The following CCDC186 variants were observed in gnomAD, a reference collection of about 807,000 sequenced individuals.
CCDC186 encodes the protein coiled-coil domain containing 186.
A neutral mutation model predicts 113.7 loss-of-function variants in CCDC186; 49 were observed. The ratio of observed to expected loss-of-function variants is 0.43; its 90% confidence interval spans 0.34 to 0.55. The LOEUF is 0.55. Ranked by LOEUF, CCDC186 falls within the 20% of genes least tolerant of loss-of-function variation. The pLI is 0.02. For synonymous variants in CCDC186, 355 were observed against 345.8 expected, an observed-to-expected ratio of 1.03 and a Z score of -0.30; for missense variants, 890 against 1,011.1, an observed-to-expected ratio of 0.88 and a Z score of 1.62.
At chr10:114,152,851 A>G (rs916176069) in intron 3 of CCDC186, among the ~76,000 whole-genome samples, 1 of 152,200 alleles carries the variant, frequency 6.6e-6, no homozygotes, top group African/African-American at 2.4e-5. Flanking sequence ...TACATAAAAA[A>G]CAGACTAAAA....
Position 114,174,008 on chromosome 10 carries a change from C to T in CCDC186, c.-62+7G>A. 4.2e-6 allele frequency: 2 copies of T among 470,698 alleles called. No individual in the cohort carries two copies. The highest frequency in any genetic ancestry group is 8.8e-6 in the Non-Finnish European group (2 of 227,056). 29.2% of individuals were successfully genotyped at this position (470,698 alleles called of 1,614,324 possible). On this transcript the variant is annotated splice_region_variant and intron_variant, in intron 1 of 15. Transcript: ENST00000369287. Reference sequence around the variant, plus strand: ...CGGTGTGCCCCGAGTACCCCTCAGACACTTACCCCACTTATCCAAGCCTCA... The same window carrying T: ...CGGTGTGCCCCGAGTACCCCTCAGATACTTACCCCACTTATCCAAGCCTCA...
chr10:114,147,048 T>C (rs1049207802), intron 4 of CCDC186, among the ~76,000 whole-genome samples: 2 of 152,092 alleles, frequency 1.3e-5, no homozygotes, highest in East Asian at 1.9e-4. Context: ...GGCCCCGAGG[T>C]TGTAACAATG....
At chr10:114,137,960 C>A (rs149817060) in intron 6 of CCDC186, among the ~76,000 whole-genome samples, 1,901 of 140,018 alleles carry the variant, frequency 0.014, 40 homozygotes, top group African/African-American at 0.047. Context: ...TCACTTGAAC[C>A]CAGGAGGCGG....
At position 114,120,989 on chromosome 10, in the gene CCDC186, C is replaced by T. The variant is rs1371944452; in HGVS notation, c.*4154G>A. 4 of 151,446 alleles carry T rather than the reference C, an allele frequency of 2.6e-5. No individual in the cohort carries two copies. Among genetic ancestry groups the T allele is most frequent in the Non-Finnish European group, 4.4e-5 (3 of 67,764 alleles). The allele number at this position is 151,446 out of a possible 1,614,324, so 9.4% of individuals were successfully genotyped here. On this transcript the variant is annotated 3_prime_UTR_variant, in exon 16 of 16. Transcript: ENST00000369287. Reference sequence around the variant, plus strand: ...TCAAATTAAAGGTATCTGTACAATACACACACACACACATATATATATGTC... The same window carrying T: ...TCAAATTAAAGGTATCTGTACAATATACACACACACACATATATATATGTC...
At chr10:114,165,956 G>C in intron 1 of CCDC186, 1 of 983,550 alleles carries the variant, frequency 1.0e-6, no homozygotes, top group Non-Finnish European at 1.2e-6. Flanking sequence ...AAAACAATGA[G>C]TTTGTGACTT....
At chr10:114,163,787 C>T (rs1007754051) in intron 1 of CCDC186, among the ~76,000 whole-genome samples, 1 of 151,962 alleles carries the variant, frequency 6.6e-6, no homozygotes, top group South Asian at 2.1e-4. Flanking sequence ...AACAAAACAA[C>T]GCACATTAAA....
rs2119664117 is a variant in CCDC186 at position 114,124,039 on chromosome 10, G to A, written c.*1104C>T. The A allele has an allele frequency of 6.6e-6, 1 of 152,234 alleles. No homozygotes were observed. Among genetic ancestry groups the A allele is most frequent in the East Asian group, 1.9e-4 (1 of 5,168 alleles). 9.4% of individuals were successfully genotyped at this position (152,234 alleles called of 1,614,324 possible). A position where few individuals can be genotyped will look rare whatever the true frequency, so the allele number is the denominator to read the frequency against. On this transcript the variant is annotated 3_prime_UTR_variant, in exon 16 of 16. Coordinates refer to ENST00000369287, the MANE Select transcript of CCDC186 (RefSeq NM_018017.4). ...TCTTTTAAAATTTCTTTGTAGAGAT[G>A]GGGGTCTCGCTATGTTGCCAAGGCT... is the stretch of plus-strand genomic sequence containing the variant.
intron 6 of CCDC186, 123 bp from the exon 7 acceptor site, chr10:114,137,413 CAAT>C (rs2031300029): frequency 1.6e-6 from 1 of 627,660 alleles, no homozygotes; most frequent in Non-Finnish European, 2.8e-6. Context: ...ATTATTCTAG[CAAT>C]AATATTTTAT....
At chr10:114,154,061 A>AT (rs2031935811) in intron 3 of CCDC186, among the ~76,000 whole-genome samples, 1 of 151,844 alleles carries the variant, frequency 6.6e-6, no homozygotes. Flanking sequence ...AAATACAAAA[A>AT]TTAGCTGGAT....
At chr10:114,131,871 G>T in intron 11 of CCDC186, 58 bp downstream of exon 11, 1 of 1,459,264 alleles carries the variant, frequency 6.9e-7, no homozygotes, top group Non-Finnish European at 9.2e-7. Context: ...TATACTGTTA[G>T]GGAAATTTAA....
intron 14 of CCDC186, 116 bp from the exon 15 acceptor site, chr10:114,126,221 AACT>A: frequency 1.4e-6 from 1 of 732,928 alleles, no homozygotes; most frequent in Non-Finnish European, 2.2e-6. Context: ...TTAATAACCT[AACT>A]ATATTAGAAA....
chr10:114,162,873 A>G lies in CCDC186; in HGVS notation c.396T>C (p.Asn132=). Residue 132 remains asparagine, a synonymous_variant, in exon 2 of 16, where the codon AAT becomes AAC. Transcript: ENST00000369287. ...LRSSTFPESA[N]EKTYSESPYD... ...AGGGGCTTTCTGAATAAGTCTTTTC[A>G]TTAGCTGATTCTGGAAATGTAGATG... The G allele has an allele frequency of 6.2e-7, 1 of 1,613,972 alleles. No individual in the cohort carries two copies. The highest frequency in any genetic ancestry group is 8.5e-7 in the Non-Finnish European group (1 of 1,179,944).
chr10:114,151,141 T>C lies in CCDC186; in HGVS notation c.839A>G (p.Lys280Arg). 1 of 1,613,968 alleles carries C rather than the reference T, an allele frequency of 6.2e-7. No individual in the cohort carries two copies. Among genetic ancestry groups the C allele is most frequent in the Non-Finnish European group, 8.5e-7 (1 of 1,179,888 alleles). The change falls in exon 4 of 16, where the codon AAA becomes AGA. Residue 280 changes from lysine to arginine, a missense_variant. Transcript: ENST00000369287. ...TTTGTGTAACTGCTGAACTGCATTT[T>C]TAGCTGTAACGTCTTGAGCTATTAG... ...DQLIAQDVTA[K>R]NAVQQLHKEM...
At chr10:114,169,587 A>G (rs1332758014) in intron 1 of CCDC186, among the ~76,000 whole-genome samples, 1 of 152,132 alleles carries the variant, frequency 6.6e-6, no homozygotes, top group East Asian at 1.9e-4. Flanking sequence ...CTCAAGTAAT[A>G]TCCATTAAGC....
chr10:114,127,732 T>C, intron 13 of CCDC186, 61 bp from the exon 14 acceptor site: 1 of 1,323,180 alleles, frequency 7.6e-7, no homozygotes, highest in Non-Finnish European at 1.1e-6. Context: ...TCTCATCTCA[T>C]ATATTACTTA....
At chr10:114,149,580 AAGGG>A (rs1311129575) in intron 4 of CCDC186, among the ~76,000 whole-genome samples, 1 of 16,472 alleles carries the variant, frequency 6.1e-5, no homozygotes, top group Non-Finnish European at 1.1e-4. Context: ...AAGGGAAGGG[AAGGG>A]AAGGGAAGGG....
chr10:114,133,675 G>A (rs682836), intron 10 of CCDC186, among the ~76,000 whole-genome samples: 89,601 of 151,998 alleles, frequency 0.59, 28,100 homozygotes, highest in African/African-American at 0.82. Context: ...AACTGAATTC[G>A]ACAGTGTTAA....
Position 114,132,020 on chromosome 10 carries a change from T to C in CCDC186, c.1820A>G (p.Asn607Ser). ...TTTATCAAATTGTGACTGCAAAGAATTGGATTCAGACTGAAGCTGTGCATT... is the reference window on the plus strand; with the variant it reads ...TTTATCAAATTGTGACTGCAAAGAACTGGATTCAGACTGAAGCTGTGCATT... ...SKNAQLQSES[N>S]SLQSQFDKVS... Residue 607 changes from asparagine (N) to serine (S), a missense_variant, in exon 11 of 16, where the codon AAT (asparagine) becomes AGT (serine). Transcript: ENST00000369287. 1.2e-6 allele frequency: 2 copies of C among 1,613,406 alleles called. No homozygotes were observed. The highest frequency in any genetic ancestry group is 8.5e-7 in the Non-Finnish European group (1 of 1,179,692).
chr10:114,154,763 G>A (rs745837833), intron 3 of CCDC186, among the ~76,000 whole-genome samples: 3 of 152,184 alleles, frequency 2.0e-5, no homozygotes, highest in Admixed American at 6.5e-5. Context: ...AAACTAGCAC[G>A]TGAATGTTCA....
Sources: allele counts gnomAD v4.1 joint callset (sites outside exome capture counted in the v4.1 genomes callset), GRCh38; gene constraint gnomAD v4.1.1; transcripts MANE v1.5; gene names NCBI Gene and HGNC (gene_info 2026-07-23, HGNC 2026-07-21).